The following STAB2 variants were observed in gnomAD, a reference collection of about 807,000 sequenced individuals.
The protein encoded by STAB2 is stabilin-2.
Under a neutral mutation model 338.1 loss-of-function variants are expected in STAB2, and 288 were observed. The observed-to-expected ratio is 0.85, with a 90% CI of 0.77 to 0.94. The LOEUF (loss-of-function observed/expected upper bound fraction) is 0.94, where lower values mean the gene tolerates loss of function less well. Among genes scored for constraint, STAB2 ranks in the 40% least tolerant of loss-of-function variants. The pLI is 0.00. For synonymous variants in STAB2, 1,202 were observed against 1,193.3 expected, an observed-to-expected ratio of 1.01 and a Z score of -0.15; for missense variants, 3,141 against 3,210.1, an observed-to-expected ratio of 0.98 and a Z score of 0.52.
At position 103,654,878 on chromosome 12, in the gene STAB2, G is replaced by C. The variant is rs1874063416; in HGVS notation, c.1551+180G>C. The C allele has an allele frequency of 5.2e-6, 4 of 762,524 alleles. No individual in the cohort carries two copies. In the South Asian group the frequency reaches 1.1e-4, roughly 20 times the overall value. 47.2% of individuals were successfully genotyped at this position (762,524 alleles called of 1,614,324 possible). The stretch of plus-strand genomic sequence containing the variant: ...AGAAACCTGGGAATCTCTGCAGAAA[G>C]AAAGCAAGACGTACAGTAACATATG... On this transcript the variant is annotated intron_variant, in intron 13 of 68. Coordinates refer to ENST00000388887, the MANE Select transcript of STAB2 (RefSeq NM_017564.10).
Position 103,765,762 on chromosome 12 carries a change from G to A in STAB2, c.7606-524G>A, listed in dbSNP as rs142918352. Among the ~76,000 whole-genome samples, 1,035 of 152,114 alleles carry A rather than the reference G, an allele frequency of 6.8e-3. 7 individuals carry two copies. The highest frequency in any genetic ancestry group is 0.02 in the Middle Eastern group (6 of 294). ...TCACCGTGTTGCTCAGGCTGATCTC[G>A]AACTCCTGAGCTCAAGTGATCCGCC... On this transcript the variant is annotated intron_variant, in intron 68 of 68. Coordinates refer to ENST00000388887, the MANE Select transcript of STAB2 (RefSeq NM_017564.10).
chr12:103,737,743 G>A lies in STAB2; in HGVS notation c.5660G>A (p.Gly1887Glu). 1 of 1,613,944 alleles carries A rather than the reference G, an allele frequency of 6.2e-7. No individual in the cohort carries two copies. The highest frequency in any genetic ancestry group is 1.7e-5 in the Admixed American group (1 of 60,000). The change falls in exon 53 of 69, where the codon GGG becomes GAG. Residue 1887 changes from glycine (G) to glutamate (E), a missense_variant. By Grantham distance (98) the Gly-to-Glu change is moderately conservative. Transcript: ENST00000388887. The part of the protein sequence containing the change: ...IDCLLIDPTL[G>E]GRCDTFTTFD... ...TGTCTGCTGATTGATCCCACCCTGG[G>A]GGGCCGCTGTGACACCTTTACTACT...
intron 3 of STAB2, among the ~76,000 whole-genome samples, chr12:103,619,008 C>T (rs185845698): frequency 4.1e-4 from 62 of 152,272 alleles, no homozygotes; most frequent in Non-Finnish European, 7.5e-4. Flanking sequence ...TGCCTGCTGC[C>T]GTGTAAGACG....
chr12:103,671,067 C>T (rs562639005), intron 22 of STAB2, among the ~76,000 whole-genome samples: 1 of 152,166 alleles, frequency 6.6e-6, no homozygotes, highest in Admixed American at 6.5e-5. Context: ...TCCGAGGGGG[C>T]ACTAACACTG....
At chr12:103,748,014 A>AG (rs1385919781) in intron 58 of STAB2, among the ~76,000 whole-genome samples, 1 of 149,746 alleles carries the variant, frequency 6.7e-6, no homozygotes, top group South Asian at 2.1e-4. Flanking sequence ...AAAAAAAAAA[A>AG]GGGAAGAAGA....
Position 103,650,585 on chromosome 12 carries a change from A to G in STAB2, c.1257+7A>G, listed in dbSNP as rs1873665367. On this transcript the variant is annotated splice_region_variant and intron_variant, in intron 11 of 68. Transcript: ENST00000388887. Reference sequence around the variant, plus strand: ...GGGACTGAAAGGATTCAATGTGAGTATTTAAAATGACCCTACACCAAGGGG... The same window carrying G: ...GGGACTGAAAGGATTCAATGTGAGTGTTTAAAATGACCCTACACCAAGGGG... The G allele has an allele frequency of 5.0e-6, 8 of 1,611,434 alleles. No homozygotes were observed. Among genetic ancestry groups the G allele is most frequent in the Admixed American group, 1.7e-5 (1 of 59,960 alleles).
intron 58 of STAB2, among the ~76,000 whole-genome samples, chr12:103,747,238 A>G (rs1883132235): frequency 6.6e-6 from 1 of 152,240 alleles, no homozygotes; most frequent in Non-Finnish European, 1.5e-5. Context: ...CTAGGTGAGA[A>G]CCACTGTGAA....
intron 3 of STAB2, among the ~76,000 whole-genome samples, chr12:103,613,968 A>G (rs1032954822): frequency 3.3e-5 from 5 of 152,104 alleles, no homozygotes; most frequent in Non-Finnish European, 5.9e-5. Flanking sequence ...TAGAAGTTCA[A>G]TTTGGTTTTG....
Position 103,704,474 on chromosome 12 carries a change from A to G in STAB2, c.3844-84A>G, listed in dbSNP as rs1209147243. On this transcript the variant is annotated intron_variant, in intron 35 of 68. Transcript: ENST00000388887. ...ATAATCTGCCTTGATTTTTAATTCA[A>G]AAACCTTCATTTCCAAGTTCTGGAC... 3 of 1,416,570 alleles carry G rather than the reference A, an allele frequency of 2.1e-6. No individual in the cohort carries two copies. In the South Asian group the frequency reaches 3.8e-5, roughly 18 times the overall value. The allele number at this position is 1,416,570 out of a possible 1,614,324, so 87.8% of individuals were successfully genotyped here. A position where few individuals can be genotyped will look rare whatever the true frequency, so the allele number is the denominator to read the frequency against.
intron 4 of STAB2, among the ~76,000 whole-genome samples, chr12:103,621,296 G>A (rs1957297530): frequency 6.6e-6 from 1 of 152,086 alleles, no homozygotes; most frequent in African/African-American, 2.4e-5. Flanking sequence ...GAACCGTTAG[G>A]CTTACCGGTT....
In STAB2 at chr12:103,766,576, C is replaced by T. The variant is rs955021219; in HGVS notation, c.*240C>T. ...CTTCCTTTGTACTCTTCAGCTGGCA[C>T]CTGCTCCATTCTGCCCTACATGATG... On this transcript the variant is annotated 3_prime_UTR_variant, in exon 69 of 69. Coordinates refer to ENST00000388887, the MANE Select transcript of STAB2 (RefSeq NM_017564.10). 6.0e-6 allele frequency: 3 copies of T among 503,290 alleles called. No homozygotes were observed. The highest frequency in any genetic ancestry group is 3.9e-5 in the African/African-American group (2 of 51,784). The allele number at this position is 503,290 out of a possible 1,614,324, so 31.2% of individuals were successfully genotyped here.
intron 28 of STAB2, 152 bp from the exon 29 acceptor site, chr12:103,689,694 G>T (rs1201721247): frequency 2.3e-6 from 2 of 874,984 alleles, no homozygotes; most frequent in East Asian, 5.4e-5. Flanking sequence ...GGAAAATGAG[G>T]CAACAGCCAG....
chr12:103,712,414 G>T lies in STAB2; in HGVS notation c.4382G>T (p.Gly1461Val). ...ACAGCTTCATGCAAGTGTGCAGCAG[G>T]ATTCCAAGGAAACGGGACCATCTGC... ...DGTASCKCAA[G>V]FQGNGTICTA... is the part of the protein sequence containing the mutation. Residue 1461 changes from glycine to valine, a missense_variant, in exon 41 of 69, where the codon GGA (glycine) becomes GTA (valine). Physicochemically the swap from Gly to Val is moderately radical, Grantham distance 109. Coordinates refer to ENST00000388887, the MANE Select transcript of STAB2 (RefSeq NM_017564.10). 1 of 1,614,096 alleles carries T rather than the reference G, an allele frequency of 6.2e-7. No homozygotes were observed. Among genetic ancestry groups the T allele is most frequent in the Non-Finnish European group, 8.5e-7 (1 of 1,179,988 alleles).
At chr12:103,695,402 T>A in intron 31 of STAB2, 148 bp from the exon 32 acceptor site, 1 of 691,144 alleles carries the variant, frequency 1.4e-6, no homozygotes, top group Non-Finnish European at 2.4e-6. Flanking sequence ...CTGGAATATT[T>A]TTATACTGTG....
chr12:103,690,627 C>G, intron 30 of STAB2, 89 bp downstream of exon 30: 1 of 1,072,936 alleles, frequency 9.3e-7, no homozygotes, highest in Non-Finnish European at 1.4e-6. Flanking sequence ...TGGGAACTTC[C>G]AAACATGCGC....
intron 6 of STAB2, among the ~76,000 whole-genome samples, chr12:103,635,120 A>G (rs1593166136): frequency 6.6e-6 from 1 of 152,310 alleles, no homozygotes; most frequent in African/African-American, 2.4e-5. Flanking sequence ...AGAGCAATAC[A>G]CTGACTGCTC....
intron 57 of STAB2, among the ~76,000 whole-genome samples, chr12:103,745,870 G>T (rs1268004900): frequency 6.6e-6 from 1 of 152,194 alleles, no homozygotes; most frequent in Non-Finnish European, 1.5e-5. Context: ...TATAATCATT[G>T]CCATAGCTCG....
intron 28 of STAB2, among the ~76,000 whole-genome samples, chr12:103,688,433 C>T (rs1877627279): frequency 6.6e-6 from 1 of 152,166 alleles, no homozygotes; most frequent in African/African-American, 2.4e-5. Context: ...TGTGATTGAT[C>T]AGAGGTTTGC....
intron 52 of STAB2, 30 bp from the exon 53 acceptor site, chr12:103,737,599 TCTTTC>T (rs530782368): frequency 7.4e-7 from 1 of 1,343,872 alleles, no homozygotes; most frequent in African/African-American, 1.5e-5. Flanking sequence ...TCTCTCTCTC[TCTTTC>T]TCTTTTTTTT....
Sources: allele counts gnomAD v4.1 joint callset (sites outside exome capture counted in the v4.1 genomes callset), GRCh38; gene constraint gnomAD v4.1.1; transcripts MANE v1.5; gene names NCBI Gene and HGNC (gene_info 2026-07-23, HGNC 2026-07-21).